The following QTGAL variants were observed in gnomAD, a reference collection of about 807,000 sequenced individuals.
The protein encoded by QTGAL is queuosine-tRNA galactosyltransferase, also known as BGnT-like protein 1.
At chr17:83,027,065 G>C in the QTGAL span, among the ~76,000 whole-genome samples, 2 of 131,464 alleles carry the variant, frequency 1.5e-5, no homozygotes, top group South Asian at 5.2e-4. Flanking sequence ...GCAGGGCGGG[G>C]AGCCTGCAGG....
At chr17:82,951,699 G>A in the QTGAL span, among the ~76,000 whole-genome samples, 13 of 151,322 alleles carry the variant, frequency 8.6e-5, no homozygotes, top group South Asian at 4.2e-4. Flanking sequence ...AGCGAGAGAC[G>A]TGCGACTCTT....
the QTGAL span, among the ~76,000 whole-genome samples, chr17:82,972,970 G>C: frequency 6.6e-6 from 1 of 152,182 alleles, no homozygotes; most frequent in Non-Finnish European, 1.5e-5. Context: ...TGAGCGGAAG[G>C]GGCTGGAGAG....
At chr17:82,983,109 G>A in the QTGAL span, among the ~76,000 whole-genome samples, 1 of 152,068 alleles carries the variant, frequency 6.6e-6, no homozygotes, top group Non-Finnish European at 1.5e-5. Flanking sequence ...GCTGAAACCT[G>A]GTCTCTACAA....
chr17:82,998,442 T>C, the QTGAL span, among the ~76,000 whole-genome samples: 2 of 152,006 alleles, frequency 1.3e-5, no homozygotes, highest in East Asian at 3.9e-4. Context: ...GCCTCCCGGG[T>C]TCATGCCATT....
the QTGAL span, among the ~76,000 whole-genome samples, chr17:83,023,537 C>A: frequency 1.3e-5 from 2 of 152,270 alleles, no homozygotes; most frequent in African/African-American, 4.8e-5. Flanking sequence ...GAAAAACACA[C>A]TTCCTCACTC....
At chr17:83,020,681 G>A in the QTGAL span, among the ~76,000 whole-genome samples, 52,212 of 151,896 alleles carry the variant, frequency 0.34, 9,331 homozygotes, top group South Asian at 0.44. Context: ...CCGACCATCC[G>A]GTCATTTCTA....
the QTGAL span, among the ~76,000 whole-genome samples, chr17:82,958,318 C>T: frequency 1.1e-3 from 169 of 152,346 alleles, no homozygotes; most frequent in African/African-American, 3.7e-3. Context: ...AGCCCGGTAC[C>T]CCACAGACCC....
chr17:83,001,122 T>C, the QTGAL span, among the ~76,000 whole-genome samples: 55,809 of 152,102 alleles, frequency 0.37, 11,242 homozygotes, highest in South Asian at 0.46. Context: ...AACAAAGCTA[T>C]ACATCAACAA....
chr17:82,942,313 G>C, the QTGAL span: 1 of 1,301,372 alleles, frequency 7.7e-7, no homozygotes, highest in Non-Finnish European at 1.1e-6. Context: ...TGCCGGGTGT[G>C]TGGGAAACGG....
the QTGAL span, among the ~76,000 whole-genome samples, chr17:82,964,984 G>A: frequency 3.4e-5 from 5 of 146,148 alleles, no homozygotes; most frequent in East Asian, 6.4e-4. Context: ...ATGCCTGAAC[G>A]TGCACTCCCA....
At chr17:82,944,378 G>GTGAT in the QTGAL span, 30 of 152,352 alleles carry the variant, frequency 2.0e-4, no homozygotes, top group Middle Eastern at 3.4e-3. Context: ...CAGGGTCCAG[G>GTGAT]TGATAGAGTT....
chr17:82,999,958 T>C, the QTGAL span, among the ~76,000 whole-genome samples: 1 of 152,048 alleles, frequency 6.6e-6, no homozygotes, highest in African/African-American at 2.4e-5. Context: ...TTGTTGTTGT[T>C]TTTTGTTTTG....
the QTGAL span, chr17:82,965,729 G>T: frequency 2.5e-6 from 4 of 1,612,020 alleles, no homozygotes; most frequent in Non-Finnish European, 3.4e-6. Flanking sequence ...TCACCGTGGG[G>T]CCATTTGAGG....
At chr17:82,948,043 T>C in the QTGAL span, 1 of 152,312 alleles carries the variant, frequency 6.6e-6, no homozygotes, top group Non-Finnish European at 1.5e-5. Flanking sequence ...AGGAAGACAT[T>C]TGCAAAACAT....
chr17:83,002,318 C>CA, the QTGAL span, among the ~76,000 whole-genome samples: 48 of 152,322 alleles, frequency 3.2e-4, no homozygotes, highest in East Asian at 8.9e-3. Context: ...GGCTGAAACT[C>CA]AACATGTGTC....
the QTGAL span, among the ~76,000 whole-genome samples, chr17:82,964,958 G>A: frequency 6.7e-6 from 1 of 148,560 alleles, no homozygotes; most frequent in Non-Finnish European, 1.5e-5. Context: ...ACCCCCACAG[G>A]AGAACGGGGA....
the QTGAL span, among the ~76,000 whole-genome samples, chr17:83,038,766 G>T: frequency 6.6e-6 from 1 of 151,928 alleles, no homozygotes; most frequent in East Asian, 1.9e-4. Context: ...GGCTGAGGCA[G>T]GAGAATGGCG....
the QTGAL span, among the ~76,000 whole-genome samples, chr17:82,969,960 G>C: frequency 6.6e-6 from 1 of 152,138 alleles, no homozygotes; most frequent in Non-Finnish European, 1.5e-5. Flanking sequence ...GACTCTGGGT[G>C]TGAGTCACCG....
At chr17:82,977,514 A>G in the QTGAL span, among the ~76,000 whole-genome samples, 2 of 152,150 alleles carry the variant, frequency 1.3e-5, 1 homozygote, top group South Asian at 4.1e-4. Context: ...TCTTTGTTTA[A>G]AAGCACTCAT....
Sources: gnomAD v4.1 joint callset for allele counts (sites outside exome capture counted in the v4.1 genomes callset) on GRCh38, gnomAD v4.1.1 for gene constraint, MANE v1.5 for transcripts, NCBI Gene and HGNC (gene_info 2026-07-23, HGNC 2026-07-21) for gene names.